Variants in TRIM14 observed in about 807,000 individuals in gnomAD.
TRIM14 encodes the protein tripartite motif containing 14.
A neutral mutation model predicts 44.5 loss-of-function variants in TRIM14; 28 were observed. The ratio of observed to expected loss-of-function variants is 0.63; its 90% CI spans 0.47 to 0.86. The LOEUF (loss-of-function observed/expected upper bound fraction) is 0.86. Among genes scored for constraint, TRIM14 ranks in the 40% least tolerant of loss-of-function variants. The pLI is 0.00. For missense variants in TRIM14, 607 were observed against 611.1 expected (o/e 0.99, Z 0.07); for synonymous variants, 299 against 269.2 (o/e 1.11, Z -1.08).
chr9:98,111,747 T>C (rs1030419355), intron 1 of TRIM14, among the ~76,000 whole-genome samples: 1 of 152,164 alleles, frequency 6.6e-6, no homozygotes, highest in Non-Finnish European at 1.5e-5. Flanking sequence ...CGAGACAGCC[T>C]GACCAACGTG....
rs764789896 is a variant in TRIM14 at position 98,087,459 on chromosome 9, G to T, written c.*11C>A. The T allele has an allele frequency of 1.6e-5, 25 of 1,605,148 alleles. No homozygotes were observed. The highest frequency in any genetic ancestry group is 1.3e-5 in the Non-Finnish European group (15 of 1,174,696). On this transcript the variant is annotated 3_prime_UTR_variant, in exon 6 of 6. Transcript: ENST00000341469. ...CGGCGTACCTGGAGGCTGTCACGCC[G>T]GTCCTGGCCCCTAGGGCAGCCGGGG...
At chr9:98,076,013 A>G (rs1018160402) in intron 6 of TRIM14, 1 of 152,098 alleles carries the variant, frequency 6.6e-6, no homozygotes, top group African/African-American at 2.4e-5. Context: ...GATGTTGAAG[A>G]GCACTAAATA....
intron 3 of TRIM14, among the ~76,000 whole-genome samples, chr9:98,096,844 C>G (rs1170856673): frequency 6.6e-6 from 1 of 152,180 alleles, no homozygotes; most frequent in African/African-American, 2.4e-5. Context: ...CACTCTATCT[C>G]TAAAGTGACT....
chr9:98,037,773 T>C, the TRIM14 span, among the ~76,000 whole-genome samples: 1 of 152,184 alleles, frequency 6.6e-6, no homozygotes, highest in African/African-American at 2.4e-5. Flanking sequence ...ATCTGGAAAC[T>C]GGACCCCCAT....
the TRIM14 span, among the ~76,000 whole-genome samples, chr9:98,038,169 G>C: frequency 6.6e-6 from 1 of 152,052 alleles, no homozygotes; most frequent in East Asian, 1.9e-4. Flanking sequence ...TCCTGCCTCA[G>C]CCTCCTGAGT....
At chr9:98,081,012 G>A (rs754750857), downstream of TRIM14, 43 of 1,614,060 alleles carry the variant, frequency 2.7e-5, no homozygotes, top group Middle Eastern at 3.3e-4. Flanking sequence ...CGGTCAGTGC[G>A]TCTTGTGGAG....
Position 98,109,406 on chromosome 9 carries a change from G to C in TRIM14, c.303+483C>G, listed in dbSNP as rs1037507152. The stretch of plus-strand genomic sequence containing the variant: ...TTACTTAGAATAACATCAGCCTCAA[G>C]TTCCCATTCAAAATCCACAGAGAAT... On this transcript the variant is annotated intron_variant, in intron 2 of 5. Coordinates refer to ENST00000341469, the MANE Select transcript of TRIM14 (RefSeq NM_014788.4). 3.9e-5 allele frequency among the ~76,000 whole-genome samples: 6 copies of C among 152,208 alleles called. No homozygotes were observed. The East Asian group carries it at 1.2e-3, about 29-fold the overall frequency.
downstream of TRIM14, among the ~76,000 whole-genome samples, chr9:98,083,522 A>T (rs1234468101): frequency 2.6e-5 from 4 of 152,216 alleles, no homozygotes; most frequent in Non-Finnish European, 5.9e-5. Context: ...CATCAGAGAA[A>T]GGACTGGTCA....
intron 3 of TRIM14, among the ~76,000 whole-genome samples, 172 bp downstream of exon 3, chr9:98,099,759 T>G (rs1347396655): frequency 1.3e-5 from 2 of 152,258 alleles, no homozygotes; most frequent in African/African-American, 2.4e-5. Context: ...ATTATCTTCC[T>G]AACAATGTAT....
the TRIM14 span, chr9:98,061,096 C>T: frequency 1.0e-5 from 12 of 1,161,470 alleles, no homozygotes; most frequent in Non-Finnish European, 1.5e-5. Context: ...AGCCCTTGCT[C>T]ATCCTTTCTG....
chr9:98,094,564 G>A (rs1010444265), intron 4 of TRIM14, among the ~76,000 whole-genome samples: 5 of 152,364 alleles, frequency 3.3e-5, no homozygotes, highest in African/African-American at 1.2e-4. Context: ...AAGAGAAGGA[G>A]GAAGAGTTGG....
intron 2 of TRIM14, among the ~76,000 whole-genome samples, chr9:98,104,411 G>A (rs1265505625): frequency 2.6e-5 from 4 of 152,138 alleles, no homozygotes; most frequent in Non-Finnish European, 5.9e-5. Flanking sequence ...GCTTCACGAC[G>A]CTATACCTTG....
At chr9:98,092,427 C>A (rs1826029316) in intron 4 of TRIM14, 2 of 317,776 alleles carry the variant, frequency 6.3e-6, no homozygotes, top group South Asian at 2.4e-5. Context: ...CCTGGACAGC[C>A]CCCCCACACC....
chr9:98,099,813 G>A (rs1180803294), intron 3 of TRIM14, 118 bp downstream of exon 3: 2 of 852,070 alleles, frequency 2.3e-6, no homozygotes, highest in East Asian at 2.6e-5. Context: ...TCTACATGGT[G>A]ACAAGACAAT....
chr9:98,058,460 T>C, the TRIM14 span, among the ~76,000 whole-genome samples: 1 of 152,132 alleles, frequency 6.6e-6, no homozygotes, highest in South Asian at 2.1e-4. Context: ...GTATAATAAA[T>C]ACAGTAAGGG....
At chr9:98,040,398 G>C in the TRIM14 span, among the ~76,000 whole-genome samples, 4 of 151,842 alleles carry the variant, frequency 2.6e-5, no homozygotes, top group African/African-American at 4.8e-5. Flanking sequence ...TGGACTGCTC[G>C]GGGCCTTTGA....
At chr9:98,093,827 C>A (rs71501843) in intron 4 of TRIM14, among the ~76,000 whole-genome samples, 126 of 152,092 alleles carry the variant, frequency 8.3e-4, no homozygotes, top group Non-Finnish European at 1.5e-3. Context: ...CTCACTGCAA[C>A]CTCCACCTCC....
chr9:98,047,727 CTT>C, the TRIM14 span, among the ~76,000 whole-genome samples: 1 of 152,026 alleles, frequency 6.6e-6, no homozygotes, highest in Non-Finnish European at 1.5e-5. Flanking sequence ...ATTCTCAGCT[CTT>C]TGCATGTTCG....
rs1825823979 is a variant in TRIM14 at position 98,087,527 on chromosome 9, C to T, written c.1272G>A (p.Pro424=). 1.3e-6 allele frequency: 2 copies of T among 1,597,346 alleles called. No individual in the cohort carries two copies. The highest frequency in any genetic ancestry group is 1.8e-5 in the Admixed American group (1 of 56,992). ...CCCAGAGCCGCAGGGCCGGGTAGAGCGGCTCCTGGAACGTGGCGCGGAAGG... is the reference window on the plus strand; with the variant it reads ...CCCAGAGCCGCAGGGCCGGGTAGAGTGGCTCCTGGAACGTGGCGCGGAAGG... ...LHTFRATFQE[P]LYPALRLWEG... The change falls in exon 6 of 6, where the codon CCG becomes CCA. Residue 424 remains proline, a synonymous_variant. Transcript: ENST00000341469.
Sources: gnomAD v4.1 joint callset for allele counts (sites outside exome capture counted in the v4.1 genomes callset) on GRCh38, gnomAD v4.1.1 for gene constraint, MANE v1.5 for transcripts, NCBI Gene and HGNC (gene_info 2026-07-23, HGNC 2026-07-21) for gene names.